Variants in FGF14 observed in about 807,000 individuals in gnomAD.
FGF14 encodes fibroblast growth factor 14.
A neutral mutation model predicts 25.5 loss-of-function variants in FGF14; 5 were observed. The ratio of observed to expected loss-of-function variants is 0.20; its 90% CI spans 0.10 to 0.41. The LOEUF (loss-of-function observed/expected upper bound fraction) is 0.41. Ranked by LOEUF, FGF14 falls within the 10% of genes least tolerant of loss-of-function variation. The pLI, the probability that FGF14 is intolerant of heterozygous loss-of-function variation, is 1.00. For synonymous variants in FGF14, 138 were observed against 118.3 expected, an observed-to-expected ratio of 1.17 and a Z score of -1.08; for missense variants, 222 against 320.1, an observed-to-expected ratio of 0.69 and a Z score of 2.34.
intron 1 of FGF14, among the ~76,000 whole-genome samples, chr13:102,053,370 T>C (rs575995121): frequency 1.5e-4 from 23 of 152,018 alleles, no homozygotes; most frequent in Non-Finnish European, 3.1e-4. Flanking sequence ...GAAAAAAGGA[T>C]TCCTTGCAAA....
At chr13:102,192,183 G>A (rs951401342) in intron 1 of FGF14, among the ~76,000 whole-genome samples, 4 of 152,120 alleles carry the variant, frequency 2.6e-5, no homozygotes, top group Non-Finnish European at 5.9e-5. Context: ...AATTGCCTTT[G>A]GGGTCACTAC....
intron 3 of FGF14, among the ~76,000 whole-genome samples, chr13:101,730,447 A>G (rs1189294250): frequency 2.6e-5 from 4 of 152,236 alleles, no homozygotes; most frequent in South Asian, 4.1e-4. Context: ...GAGAAAGACT[A>G]TAATGTTACA....
At chr13:102,148,183 A>G (rs2046932746) in intron 1 of FGF14, among the ~76,000 whole-genome samples, 1 of 151,472 alleles carries the variant, frequency 6.6e-6, no homozygotes. Context: ...CTAAAATCTT[A>G]TCTTATATTT....
At position 101,711,791 on chromosome 13, in the gene FGF14, G is replaced by A. The variant is rs1459763773; in HGVS notation, c.*11040C>T. ...TGGAAGCCAGCAAAAATGCACAGAA[G>A]GGAGATGGGAACATTCTCAAGGGTC... On this transcript the variant is annotated 3_prime_UTR_variant, in exon 5 of 5. Coordinates refer to ENST00000376143, the MANE Select transcript of FGF14 (RefSeq NM_004115.4). The A allele has an allele frequency of 6.6e-6, 1 of 152,228 alleles. No individual in the cohort carries two copies. The highest frequency in any genetic ancestry group is 6.5e-5 in the Admixed American group (1 of 15,294). 9.4% of individuals were successfully genotyped at this position (152,228 alleles called of 1,614,324 possible).
intron 1 of FGF14, among the ~76,000 whole-genome samples, chr13:102,284,384 A>C (rs1156959412): frequency 6.6e-6 from 1 of 152,222 alleles, no homozygotes; most frequent in Admixed American, 6.5e-5. Flanking sequence ...GGCAGAACCT[A>C]ATGATAAATG....
intron 3 of FGF14, among the ~76,000 whole-genome samples, chr13:101,806,867 T>C (rs973145798): frequency 1.3e-5 from 2 of 152,128 alleles, no homozygotes; most frequent in Non-Finnish European, 2.9e-5. Flanking sequence ...CTGAAAAGAA[T>C]CCTGGGGTTC....
chr13:101,756,795 C>T (rs2037694294), intron 3 of FGF14, among the ~76,000 whole-genome samples: 1 of 152,036 alleles, frequency 6.6e-6, no homozygotes, highest in African/African-American at 2.4e-5. Flanking sequence ...AGAAAAGAAG[C>T]AAATAACAGT....
intron 1 of FGF14, among the ~76,000 whole-genome samples, chr13:102,101,224 C>A (rs956062177): frequency 1.3e-5 from 2 of 152,082 alleles, no homozygotes; most frequent in African/African-American, 2.4e-5. Context: ...TCCTCATATT[C>A]CTCAGACTAA....
At chr13:101,979,800 C>G (rs548183934) in intron 1 of FGF14, among the ~76,000 whole-genome samples, 5 of 151,982 alleles carry the variant, frequency 3.3e-5, no homozygotes, top group Non-Finnish European at 7.4e-5. Flanking sequence ...ACTGATTATA[C>G]GAGGAAAAGA....
intron 1 of FGF14, among the ~76,000 whole-genome samples, chr13:101,935,058 G>C (rs1190445064): frequency 6.6e-6 from 1 of 152,132 alleles, no homozygotes; most frequent in Non-Finnish European, 1.5e-5. Context: ...AGATTGTGGA[G>C]CTACAGATAC....
At chr13:101,865,279 C>A (rs2044642426) in intron 3 of FGF14, among the ~76,000 whole-genome samples, 3 of 152,044 alleles carry the variant, frequency 2.0e-5, no homozygotes, top group Admixed American at 2.0e-4. Context: ...GGAAAACAAA[C>A]AAGCAAACAA....
chr13:102,160,237 C>T (rs1031376765), intron 1 of FGF14, among the ~76,000 whole-genome samples: 14 of 152,174 alleles, frequency 9.2e-5, no homozygotes, highest in Admixed American at 7.2e-4. Context: ...GCATCCTCCA[C>T]GCTTCCTCAG....
intron 1 of FGF14, among the ~76,000 whole-genome samples, chr13:101,981,575 C>T (rs1219128694): frequency 1.3e-5 from 2 of 152,090 alleles, no homozygotes; most frequent in African/African-American, 2.4e-5. Flanking sequence ...AGTAAGCCAT[C>T]ACTGTAAGGG....
intron 1 of FGF14, among the ~76,000 whole-genome samples, chr13:101,927,661 G>T (rs2034457268): frequency 6.6e-6 from 1 of 152,186 alleles, no homozygotes; most frequent in Non-Finnish European, 1.5e-5. Context: ...AGGACCGGGA[G>T]TTGCCCCTTT....
chr13:101,793,645 G>T (rs574747442), intron 3 of FGF14, among the ~76,000 whole-genome samples: 3 of 152,068 alleles, frequency 2.0e-5, no homozygotes, highest in Admixed American at 2.0e-4. Context: ...GTTATTTGAG[G>T]AACCTCCATA....
At chr13:102,138,162 A>G (rs1232458232) in intron 1 of FGF14, among the ~76,000 whole-genome samples, 1 of 142,036 alleles carries the variant, frequency 7.0e-6, no homozygotes, top group Non-Finnish European at 1.5e-5. Context: ...AGCCTTACCC[A>G]CTTGAAGGAT....
At chr13:102,371,273 C>T (rs4598764) in intron 1 of FGF14, among the ~76,000 whole-genome samples, 37,860 of 152,110 alleles carry the variant, frequency 0.25, 5,665 homozygotes, top group East Asian at 0.35. Context: ...TCTGTACATT[C>T]TACCCTGTTT....
chr13:102,161,342 A>G (rs1392269476), intron 1 of FGF14, among the ~76,000 whole-genome samples: 1 of 152,072 alleles, frequency 6.6e-6, no homozygotes, highest in Non-Finnish European at 1.5e-5. Context: ...CTCAAGGGAA[A>G]AATAATCCTG....
At chr13:101,833,863 C>T (rs776407187) in intron 3 of FGF14, among the ~76,000 whole-genome samples, 11 of 152,062 alleles carry the variant, frequency 7.2e-5, no homozygotes, top group Admixed American at 7.2e-4. Flanking sequence ...ACTAAACTTA[C>T]GTTGAATGCT....
Sources: allele counts gnomAD v4.1 joint callset (sites outside exome capture counted in the v4.1 genomes callset), GRCh38; gene constraint gnomAD v4.1.1; transcripts MANE v1.5; gene names NCBI Gene and HGNC (gene_info 2026-07-23, HGNC 2026-07-21).